Variants in MACROD2 observed in about 807,000 individuals in gnomAD.
MACROD2 encodes ADP-ribose glycohydrolase MACROD2.
A neutral mutation model predicts 70.4 loss-of-function variants in MACROD2; 36 were observed. That is an observed-to-expected ratio of 0.51 (90% CI 0.39 to 0.68). The LOEUF is 0.68. Among genes scored for constraint, MACROD2 ranks in the 30% least tolerant of loss-of-function variants. The pLI, the probability that MACROD2 is intolerant of heterozygous loss-of-function variation, is 0.00. For synonymous variants in MACROD2, 172 were observed against 178.8 expected, an observed-to-expected ratio of 0.96 and a Z score of 0.30; for missense variants, 496 against 538.4, an observed-to-expected ratio of 0.92 and a Z score of 0.78.
chr20:15,474,222 G>T (rs931866136), intron 7 of MACROD2, among the ~76,000 whole-genome samples: 4 of 152,148 alleles, frequency 2.6e-5, no homozygotes, highest in South Asian at 2.1e-4. Context: ...TTTATAACTA[G>T]CAACTTCATG....
chr20:14,835,273 A>G (rs1193877249), intron 5 of MACROD2, among the ~76,000 whole-genome samples: 1 of 152,070 alleles, frequency 6.6e-6, no homozygotes, highest in East Asian at 1.9e-4. Flanking sequence ...AGGATACATG[A>G]AGACATATAT....
chr20:15,905,585 A>G (rs1011528323), intron 10 of MACROD2, among the ~76,000 whole-genome samples: 4 of 152,238 alleles, frequency 2.6e-5, no homozygotes, highest in Non-Finnish European at 1.5e-5. Flanking sequence ...CCATGCCAAT[A>G]GGACATTTGA....
intron 5 of MACROD2, among the ~76,000 whole-genome samples, chr20:14,726,671 C>A (rs562750248): frequency 2.6e-5 from 4 of 152,172 alleles, no homozygotes; most frequent in Non-Finnish European, 5.9e-5. Context: ...GCATTATTGT[C>A]TTGCTTTTAA....
At chr20:15,893,797 G>A (rs1414724235) in intron 10 of MACROD2, 2 of 456,778 alleles carry the variant, frequency 4.4e-6, no homozygotes, top group Non-Finnish European at 8.8e-6. Flanking sequence ...TACTGATGGT[G>A]TCAGGTTGGG....
At chr20:14,346,456 C>T (rs2083065264) in intron 3 of MACROD2, among the ~76,000 whole-genome samples, 2 of 152,116 alleles carry the variant, frequency 1.3e-5, no homozygotes, top group Admixed American at 1.3e-4. Context: ...ACAGATATTA[C>T]CATCTCCATT....
At chr20:14,248,417 C>G (rs914588513) in intron 3 of MACROD2, among the ~76,000 whole-genome samples, 5 of 152,110 alleles carry the variant, frequency 3.3e-5, no homozygotes, top group Non-Finnish European at 7.4e-5. Flanking sequence ...AACGCTGTCT[C>G]TACTAAAAAT....
intron 4 of MACROD2, among the ~76,000 whole-genome samples, chr20:14,678,056 C>T (rs1036251381): frequency 2.0e-5 from 3 of 152,148 alleles, no homozygotes; most frequent in African/African-American, 7.2e-5. Flanking sequence ...TCACCTGATT[C>T]ACAGTCTAGT....
chr20:14,530,128 G>A (rs2085284685), intron 4 of MACROD2, among the ~76,000 whole-genome samples: 1 of 152,158 alleles, frequency 6.6e-6, no homozygotes, highest in Admixed American at 6.5e-5. Context: ...AGGGAGCTGG[G>A]GTAATTGTAC....
At chr20:14,926,792 T>TGCCAC (rs2074238508) in intron 5 of MACROD2, among the ~76,000 whole-genome samples, 1 of 152,140 alleles carries the variant, frequency 6.6e-6, no homozygotes, top group Non-Finnish European at 1.5e-5. Context: ...ATCTTGTGTT[T>TGCCAC]GCCACCTGTA....
intron 5 of MACROD2, among the ~76,000 whole-genome samples, chr20:14,718,322 GAGAT>G (rs2071422034): frequency 7.9e-6 from 1 of 126,438 alleles, no homozygotes; most frequent in African/African-American, 2.9e-5. Context: ...AAAAAAAGAA[GAGAT>G]ATATATGTGT....
At chr20:14,368,533 ACT>A (rs923615431) in intron 3 of MACROD2, among the ~76,000 whole-genome samples, 7 of 151,080 alleles carry the variant, frequency 4.6e-5, no homozygotes, top group African/African-American at 1.7e-4. Flanking sequence ...ACAGAGCGAG[ACT>A]CTGTCTCAAA....
chr20:15,184,828 C>A lies in MACROD2; in HGVS notation c.419-45112C>A, dbSNP rs149416715. On this transcript the variant is annotated intron_variant, in intron 5 of 17. Coordinates refer to ENST00000684519, the MANE Select transcript of MACROD2 (RefSeq NM_001351661.2). Reference sequence around the variant, plus strand: ...TCTCTGATAATGCTAATTAGAAATACGCTTGCCCTTCCATTCAATTAATAT... The same window carrying A: ...TCTCTGATAATGCTAATTAGAAATAAGCTTGCCCTTCCATTCAATTAATAT... Among the ~76,000 whole-genome samples, 239 of 152,312 alleles carry A rather than the reference C, an allele frequency of 1.6e-3. 1 individual carries two copies. Among genetic ancestry groups the A allele is most frequent in the African/African-American group, 5.6e-3 (231 of 41,546 alleles).
chr20:16,045,927 T>A (rs1299934441), intron 17 of MACROD2, among the ~76,000 whole-genome samples: 1 of 152,094 alleles, frequency 6.6e-6, no homozygotes, highest in Non-Finnish European at 1.5e-5. Context: ...TGAGAAGAAT[T>A]AGAAGAAGGA....
chr20:15,759,675 T>C (rs1258878605), intron 8 of MACROD2, among the ~76,000 whole-genome samples: 3 of 152,248 alleles, frequency 2.0e-5, no homozygotes, highest in Non-Finnish European at 4.4e-5. Context: ...TTAGGTTTGA[T>C]GGCTCAGTCT....
At chr20:15,450,068 G>A (rs886592841) in intron 7 of MACROD2, among the ~76,000 whole-genome samples, 7 of 152,012 alleles carry the variant, frequency 4.6e-5, no homozygotes, top group African/African-American at 1.7e-4. Context: ...ATGTATATAT[G>A]CATATATACA....
At chr20:15,393,650 A>G (rs768342961) in intron 6 of MACROD2, among the ~76,000 whole-genome samples, 26 of 152,104 alleles carry the variant, frequency 1.7e-4, no homozygotes, top group African/African-American at 4.3e-4. Flanking sequence ...TTAATGTACT[A>G]TCTTGGCCAA....
chr20:15,508,949 C>T (rs545638611), intron 8 of MACROD2, among the ~76,000 whole-genome samples: 1 of 152,278 alleles, frequency 6.6e-6, no homozygotes, highest in South Asian at 2.1e-4. Context: ...TAGCAAAATG[C>T]AATGGCCACC....
At chr20:15,139,373 A>G (rs946320861) in intron 5 of MACROD2, among the ~76,000 whole-genome samples, 2 of 151,884 alleles carry the variant, frequency 1.3e-5, no homozygotes, top group Admixed American at 6.6e-5. Context: ...TTCCTTAGCT[A>G]TGTTTTATGG....
In MACROD2 at chr20:14,114,406, G is replaced by A. The variant is rs557948945; in HGVS notation, c.271+28678G>A. Reference sequence around the variant, plus strand: ...GAATATTGATCCTTGAAAAGCAAATGTGTCCTGTAAAAAATGACAACAAAA... The same window carrying A: ...GAATATTGATCCTTGAAAAGCAAATATGTCCTGTAAAAAATGACAACAAAA... On this transcript the variant is annotated intron_variant, in intron 3 of 17. Transcript: ENST00000684519. 9.2e-5 allele frequency among the ~76,000 whole-genome samples: 14 copies of A among 152,262 alleles called. No individual in the cohort carries two copies. In the South Asian group the frequency reaches 2.7e-3, roughly 29 times the overall value.
Sources: allele counts gnomAD v4.1 joint callset (sites outside exome capture counted in the v4.1 genomes callset), GRCh38; gene constraint gnomAD v4.1.1; transcripts MANE v1.5; gene names NCBI Gene and HGNC (gene_info 2026-07-23, HGNC 2026-07-21).